ENTPD1: variants seen among roughly 807,000 people sequenced by gnomAD.
The protein encoded by ENTPD1 is ATP diphosphohydrolase.
Under a neutral mutation model 57.0 loss-of-function variants are expected in ENTPD1, and 33 were observed. The observed-to-expected ratio is 0.58, with a 90% CI of 0.44 to 0.77. The LOEUF (loss-of-function observed/expected upper bound fraction) is 0.77, where lower values mean the gene tolerates loss of function less well. ENTPD1 is among the 30% of genes least tolerant of loss of function. The probability of loss-of-function intolerance (pLI) is 0.00; values close to 1 mark genes in which losing one functional copy is unlikely to be tolerated. For synonymous variants in ENTPD1, 202 were observed against 218.8 expected, an observed-to-expected ratio of 0.92 and a Z score of 0.68; for missense variants, 501 against 603.4, an observed-to-expected ratio of 0.83 and a Z score of 1.78.
intron 1 of ENTPD1, among the ~76,000 whole-genome samples, chr10:95,774,190 T>C (rs1016023533): frequency 1.3e-5 from 2 of 152,244 alleles, no homozygotes; most frequent in African/African-American, 2.4e-5. Context: ...TGTTTTTTTC[T>C]TGTAAATTTG....
rs1418015533 is a variant in ENTPD1, at chr10:95,869,147, C to A, written c.*2764C>A. 1.0e-6 allele frequency: 1 copy of A among 984,368 alleles called. No individual in the cohort carries two copies. Among genetic ancestry groups the A allele is most frequent in the African/African-American group, 1.8e-5 (1 of 56,832 alleles). 61.0% of individuals were successfully genotyped at this position (984,368 alleles called of 1,614,324 possible). ...AAAACTTGGTTCTGCTAACCCTGTT[C>A]CTTTATGAGGAACCTTTTAAAGATT... On this transcript the variant is annotated 3_prime_UTR_variant, in exon 10 of 10. Coordinates refer to ENST00000371205, the MANE Select transcript of ENTPD1 (RefSeq NM_001776.6).
intron 1 of ENTPD1, among the ~76,000 whole-genome samples, chr10:95,809,044 G>C (rs1420724912): frequency 6.6e-6 from 1 of 152,128 alleles, no homozygotes; most frequent in African/African-American, 2.4e-5. Flanking sequence ...TTGGGGGTAA[G>C]GTTATAGATT....
chr10:95,799,252 C>G (rs1230610202), intron 1 of ENTPD1, among the ~76,000 whole-genome samples: 1 of 152,204 alleles, frequency 6.6e-6, no homozygotes, highest in East Asian at 1.9e-4. Flanking sequence ...AGGTATTAAG[C>G]CTAGCTCCCA....
chr10:95,721,789 C>G (rs1589643275), intron 1 of ENTPD1, among the ~76,000 whole-genome samples: 1 of 152,016 alleles, frequency 6.6e-6, no homozygotes. Flanking sequence ...TTCCAGGGTG[C>G]GTAACTACCC....
intron 2 of ENTPD1, among the ~76,000 whole-genome samples, chr10:95,829,329 TG>T (rs1336582748): frequency 6.6e-6 from 1 of 152,234 alleles, no homozygotes. Flanking sequence ...TTGTCTGCCC[TG>T]GGGATTTATC....
intron 2 of ENTPD1, among the ~76,000 whole-genome samples, chr10:95,828,366 A>G (rs2098385154): frequency 6.6e-6 from 1 of 152,144 alleles, no homozygotes. Context: ...CAGGCCTCCT[A>G]TTGATTCTAC....
At chr10:95,728,661 T>C (rs2097986220) in intron 1 of ENTPD1, among the ~76,000 whole-genome samples, 1 of 152,158 alleles carries the variant, frequency 6.6e-6, no homozygotes. Context: ...TGACACACAA[T>C]TTACTGGAAA....
chr10:95,779,785 T>G (rs2098149231), intron 1 of ENTPD1, among the ~76,000 whole-genome samples: 1 of 152,222 alleles, frequency 6.6e-6, no homozygotes, highest in Admixed American at 6.5e-5. Flanking sequence ...TATCTTAATT[T>G]AAATTGCACA....
In ENTPD1 at chr10:95,870,093, T is replaced by TA. The variant is rs1265247910; in HGVS notation, c.*3716dup. The stretch of plus-strand genomic sequence containing the variant: ...TATTTATTATATATGACATTATTCC[T>TA]AAAAAAGCTTTTGAGATCCTAGGTT... On this transcript the variant is annotated 3_prime_UTR_variant, in exon 10 of 10. Transcript: ENST00000371205. The TA allele has an allele frequency of 1.0e-6, 1 of 985,304 alleles. No individual in the cohort carries two copies. The allele number at this position is 985,304 out of a possible 1,614,324, so 61.0% of individuals were successfully genotyped here.
chr10:95,869,045 G>A lies in ENTPD1; in HGVS notation c.*2662G>A. On this transcript the variant is annotated 3_prime_UTR_variant, in exon 10 of 10. Coordinates refer to ENST00000371205, the MANE Select transcript of ENTPD1 (RefSeq NM_001776.6). The stretch of plus-strand genomic sequence containing the variant: ...GGTAGGTGAAATAAGATTGGTCACT[G>A]TTAACTAATTTTAATATTGGATTGG... The A allele has an allele frequency of 2.0e-6, 2 of 985,226 alleles. No homozygotes were observed. The highest frequency in any genetic ancestry group is 2.4e-6 in the Non-Finnish European group (2 of 829,888). The allele number at this position is 985,226 out of a possible 1,614,324, so 61.0% of individuals were successfully genotyped here. A position where few individuals can be genotyped will look rare whatever the true frequency, so the allele number is the denominator to read the frequency against.
At chr10:95,751,714 CAA>C (rs57785453), upstream of ENTPD1, among the ~76,000 whole-genome samples, 8 of 123,914 alleles carry the variant, frequency 6.5e-5, no homozygotes, top group Non-Finnish European at 5.2e-5. Flanking sequence ...GACATCGTCT[CAA>C]AAAAAAAAAA....
At chr10:95,859,251 G>C (rs917574399) in intron 7 of ENTPD1, among the ~76,000 whole-genome samples, 2 of 152,198 alleles carry the variant, frequency 1.3e-5, no homozygotes, top group African/African-American at 4.8e-5. Context: ...CCTGGTGGAG[G>C]ATATTTTTCC....
At chr10:95,699,439 G>A in the ENTPD1 span, among the ~76,000 whole-genome samples, 1 of 151,948 alleles carries the variant, frequency 6.6e-6, no homozygotes, top group Non-Finnish European at 1.5e-5. Context: ...GTGAAACCCT[G>A]TCTCTACAAA....
chr10:95,851,250 A>C (rs1315871592), intron 7 of ENTPD1, among the ~76,000 whole-genome samples: 2 of 151,846 alleles, frequency 1.3e-5, no homozygotes, highest in East Asian at 3.9e-4. Flanking sequence ...ATTTATATTT[A>C]TTTATATTTA....
chr10:95,864,838 G>A lies in ENTPD1; in HGVS notation c.1303G>A (p.Glu435Lys), dbSNP rs755289249. The A allele has an allele frequency of 6.2e-7, 1 of 1,613,746 alleles. No homozygotes were observed. Among genetic ancestry groups the A allele is most frequent in the East Asian group, 2.2e-5 (1 of 44,874 alleles). Residue 435 changes from glutamate to lysine, a missense_variant, in exon 9 of 10, where the codon GAG becomes AAG. By Grantham distance (56) the Glu-to-Lys change is moderately conservative (BLOSUM62 1). Coordinates refer to ENST00000371205, the MANE Select transcript of ENTPD1 (RefSeq NM_001776.6). ...QGYHFTADSWEHIHFIGKIQG... is the reference protein window; with the variant it reads ...QGYHFTADSWKHIHFIGKIQG... ...CTATCATTTCACAGCTGATTCCTGGGAGCACATCCATTTCATTGGCAAGGT... is the reference window on the plus strand; with the variant it reads ...CTATCATTTCACAGCTGATTCCTGGAAGCACATCCATTTCATTGGCAAGGT...
chr10:95,830,459 C>G, intron 2 of ENTPD1, among the ~76,000 whole-genome samples: 1 of 152,092 alleles, frequency 6.6e-6, no homozygotes, highest in Non-Finnish European at 1.5e-5. Flanking sequence ...TGGGCCCCAT[C>G]TCAGGTCAAT....
At chr10:95,813,512 A>G (rs1274519264) in intron 1 of ENTPD1, among the ~76,000 whole-genome samples, 1 of 152,130 alleles carries the variant, frequency 6.6e-6, no homozygotes, top group African/African-American at 2.4e-5. Context: ...AGCATCAGGG[A>G]GTCGGTTGAT....
Position 95,876,034 on chromosome 10 carries a change from CA to C in ENTPD1, c.*9655del. ...TGCTATATGACACAATAATTATTTGCAAAATGAGTAAACATATCATAAGGAA... is the reference window on the plus strand; with the variant it reads ...TGCTATATGACACAATAATTATTTGCAAATGAGTAAACATATCATAAGGAA... On this transcript the variant is annotated 3_prime_UTR_variant, in exon 10 of 10. Coordinates refer to ENST00000371205, the MANE Select transcript of ENTPD1 (RefSeq NM_001776.6). The C allele has an allele frequency of 2.0e-6, 2 of 985,238 alleles. No homozygotes were observed. The highest frequency in any genetic ancestry group is 2.4e-6 in the Non-Finnish European group (2 of 829,852). 61.0% of individuals were successfully genotyped at this position (985,238 alleles called of 1,614,324 possible). A position where few individuals can be genotyped will look rare whatever the true frequency, so the allele number is the denominator to read the frequency against.
intron 1 of ENTPD1, among the ~76,000 whole-genome samples, chr10:95,736,273 A>G (rs1472553827): frequency 6.6e-6 from 1 of 152,164 alleles, no homozygotes; most frequent in Non-Finnish European, 1.5e-5. Flanking sequence ...AAGTGCTGGG[A>G]TTACAGATGT....
Sources: gnomAD v4.1 joint callset for allele counts (sites outside exome capture counted in the v4.1 genomes callset) on GRCh38, gnomAD v4.1.1 for gene constraint, MANE v1.5 for transcripts, NCBI Gene and HGNC (gene_info 2026-07-23, HGNC 2026-07-21) for gene names.